HPSE: variants seen among roughly 807,000 people sequenced by gnomAD.
HPSE encodes the protein heparanase.
HPSE carries 48 observed loss-of-function variants against 65.1 expected under a neutral mutation model. The ratio of observed to expected loss-of-function variants is 0.74; its 90% CI spans 0.58 to 0.94. The LOEUF is 0.94. Ranked by LOEUF, HPSE falls within the 40% of genes least tolerant of loss-of-function variation. HPSE has a pLI of 0.00. For synonymous variants in HPSE, 243 were observed against 260.0 expected (o/e 0.93, Z 0.63); for missense variants, 644 against 637.5 (o/e 1.01, Z -0.11).
At position 83,313,258 on chromosome 4, in the gene HPSE, C is replaced by A. The variant is rs755978220; in HGVS notation, c.529G>T (p.Ala177Ser). 6.2e-7 allele frequency: 1 copy of A among 1,613,646 alleles called. No individual in the cohort carries two copies. The highest frequency in any genetic ancestry group is 8.5e-7 in the Non-Finnish European group (1 of 1,179,860). ...RSSVDVLYTFANCSGLDLIFG... is the reference protein window; with the variant it reads ...RSSVDVLYTFSNCSGLDLIFG... ...ATCAAGTCCAGTCCTGAGCAGTTTG[C>A]AAAAGTGTATAGCACATCTACAGAG... Residue 177 changes from alanine to serine, a missense_variant, in exon 4 of 12, where the codon GCA (alanine) becomes TCA (serine). By Grantham distance (99) the Ala-to-Ser change is moderately conservative. Transcript: ENST00000311412.
chr4:83,323,817 G>T (rs1432046044), intron 1 of HPSE, among the ~76,000 whole-genome samples: 1 of 152,118 alleles, frequency 6.6e-6, no homozygotes, highest in African/African-American at 2.4e-5. Context: ...CCAAATGCTA[G>T]AAAATGGAAT....
At chr4:83,306,060 GCTAT>G (rs1736135998) in intron 9 of HPSE, 139 bp downstream of exon 9, 1 of 527,482 alleles carries the variant, frequency 1.9e-6, no homozygotes, top group South Asian at 2.8e-5. Context: ...TAGATTGGAT[GCTAT>G]CTAAGGCTCC....
chr4:83,300,011 CTT>C (rs1379012668), intron 11 of HPSE, among the ~76,000 whole-genome samples: 1 of 152,134 alleles, frequency 6.6e-6, no homozygotes, highest in African/African-American at 2.4e-5. Context: ...CCTGTAAACT[CTT>C]TTTATGCTCC....
rs140266720 is a variant in HPSE, at chr4:83,330,832, C to T, written c.227+3724G>A. Among the ~76,000 whole-genome samples, 496 of 152,260 alleles carry T rather than the reference C, an allele frequency of 3.3e-3. 4 individuals are homozygous for T. The highest frequency in any genetic ancestry group is 0.012 in the African/African-American group (478 of 41,554). On this transcript the variant is annotated intron_variant, in intron 1 of 11. Coordinates refer to ENST00000311412, the MANE Select transcript of HPSE (RefSeq NM_001098540.3). ...TGCATTAGTGAACTATGCTTGTATA[C>T]GTGTCTTAATTGAAATGCAGATCTG... is the stretch of plus-strand genomic sequence containing the variant.
intron 4 of HPSE, 135 bp downstream of exon 4, chr4:83,312,979 G>T (rs1431037825): frequency 4.7e-5 from 22 of 463,776 alleles, no homozygotes; most frequent in Non-Finnish European, 6.7e-5. Flanking sequence ...CCGAGGTGGC[G>T]CCACTGCACT....
intron 3 of HPSE, among the ~76,000 whole-genome samples, chr4:83,316,381 C>A (rs754013570): frequency 6.6e-6 from 1 of 151,828 alleles, no homozygotes; most frequent in Non-Finnish European, 1.5e-5. Flanking sequence ...CTAGCCTACT[C>A]CTTACTCAAA....
At chr4:83,307,398 G>C (rs1483299636) in intron 8 of HPSE, among the ~76,000 whole-genome samples, 6 of 149,362 alleles carry the variant, frequency 4.0e-5, no homozygotes, top group African/African-American at 1.2e-4. Flanking sequence ...TAAATGAAAT[G>C]GCAACTGCAT....
chr4:83,331,190 G>A (rs764170662), intron 1 of HPSE, among the ~76,000 whole-genome samples: 1 of 151,716 alleles, frequency 6.6e-6, no homozygotes, highest in Non-Finnish European at 1.5e-5. Flanking sequence ...GGTGACAAGA[G>A]CAAAATTGTC....
Position 83,322,200 on chromosome 4 carries a change from A to G in HPSE, c.373+19T>C. On this transcript the variant is annotated intron_variant, in intron 2 of 11. Transcript: ENST00000311412. ...CTGACGTTAATTAAAATATAGAGTGAATCTTTAAAAATTTTCACCCTGGTT... is the reference window on the plus strand; with the variant it reads ...CTGACGTTAATTAAAATATAGAGTGGATCTTTAAAAATTTTCACCCTGGTT... 6.2e-7 allele frequency: 1 copy of G among 1,605,440 alleles called. No individual in the cohort carries two copies.
At position 83,326,302 on chromosome 4, in the gene HPSE, C is replaced by T. The variant is rs536591042; in HGVS notation, c.228-3938G>A. Reference sequence around the variant, plus strand: ...CTTGAACTCCTGGCCTCAAATGATCCACCTGCCTCAGCCTCCCAAAGTGCT... The same window carrying T: ...CTTGAACTCCTGGCCTCAAATGATCTACCTGCCTCAGCCTCCCAAAGTGCT... On this transcript the variant is annotated intron_variant, in intron 1 of 11. Transcript: ENST00000311412. The surrounding 1 kb of genome is among the most constrained non-coding windows in gnomAD (Gnocchi z 4.2). Among the ~76,000 whole-genome samples, 21 of 152,264 alleles carry T rather than the reference C, an allele frequency of 1.4e-4. No homozygotes were observed. The South Asian group carries it at 4.1e-3, about 30-fold the overall frequency.
At chr4:83,306,536 C>T (rs1736154542) in intron 8 of HPSE, among the ~76,000 whole-genome samples, 1 of 152,188 alleles carries the variant, frequency 6.6e-6, no homozygotes, top group African/African-American at 2.4e-5. Context: ...CTGTCTCAGC[C>T]TCCCAAGTAG....
chr4:83,335,023 C>G, upstream of HPSE: 2 of 568,250 alleles, frequency 3.5e-6, no homozygotes, highest in Non-Finnish European at 2.9e-6. Flanking sequence ...TCGCTTTCCC[C>G]TCGGTGGCGG....
chr4:83,310,186 A>C (rs947483048), intron 5 of HPSE, 108 bp from the exon 6 acceptor site: 3 of 668,996 alleles, frequency 4.5e-6, no homozygotes, highest in African/African-American at 1.8e-5. Flanking sequence ...CTTTAGGATC[A>C]GGTAAACACA....
intron 3 of HPSE, among the ~76,000 whole-genome samples, chr4:83,318,363 G>T (rs1303785731): frequency 6.6e-6 from 1 of 152,024 alleles, no homozygotes; most frequent in Non-Finnish European, 1.5e-5. Flanking sequence ...GGTGGCTCAC[G>T]CCTGTAATCC....
At chr4:83,332,970 T>A (rs939978146) in intron 1 of HPSE, among the ~76,000 whole-genome samples, 6 of 150,356 alleles carry the variant, frequency 4.0e-5, no homozygotes, top group Non-Finnish European at 5.9e-5. Flanking sequence ...TCCTGTGATC[T>A]GGAGCCCTAT....
chr4:83,310,399 G>T (rs1736321346), intron 5 of HPSE, among the ~76,000 whole-genome samples: 1 of 151,810 alleles, frequency 6.6e-6, no homozygotes. Context: ...GGGTGTGGTG[G>T]CTCATGCCTG....
intron 11 of HPSE, among the ~76,000 whole-genome samples, chr4:83,298,530 A>G (rs1338097189): frequency 6.6e-6 from 1 of 151,792 alleles, no homozygotes. Context: ...CTTACTATGC[A>G]GGACCCTAAT....
chr4:83,322,103 G>A (rs1017172792), intron 2 of HPSE, 116 bp downstream of exon 2: 1 of 791,080 alleles, frequency 1.3e-6, no homozygotes, highest in East Asian at 2.9e-5. Flanking sequence ...TCAGATGAGG[G>A]GAGAGGAAGT....
At chr4:83,328,962 AG>A (rs1434925185) in intron 1 of HPSE, among the ~76,000 whole-genome samples, 2 of 152,222 alleles carry the variant, frequency 1.3e-5, no homozygotes, top group Non-Finnish European at 2.9e-5. Context: ...ATTTGATGAC[AG>A]GAGGAAAAGG....
Sources: allele counts gnomAD v4.1 joint callset (sites outside exome capture counted in the v4.1 genomes callset), GRCh38; gene constraint gnomAD v4.1.1; non-coding constraint Gnocchi (gnomAD v3.1); transcripts MANE v1.5; gene names NCBI Gene and HGNC (gene_info 2026-07-23, HGNC 2026-07-21).